AKR1C3: variants seen among roughly 807,000 people sequenced by gnomAD.
AKR1C3 encodes the protein aldo-keto reductase family 1 member C3.
AKR1C3 carries 48 observed loss-of-function variants against 43.6 expected under a neutral mutation model. The observed-to-expected ratio is 1.10, with a 90% CI of 0.87 to 1.40. The LOEUF is 1.40. Ranked by LOEUF, AKR1C3 falls within the 40% of genes most tolerant of loss-of-function variation. AKR1C3 has a pLI of 0.00. For missense variants in AKR1C3, 482 were observed against 391.2 expected (o/e 1.23, Z -1.96); for synonymous variants, 162 against 139.6 (o/e 1.16, Z -1.13).
chr10:5,086,002 T>A (rs1434725248), intron 1 of AKR1C3, among the ~76,000 whole-genome samples: 1 of 151,830 alleles, frequency 6.6e-6, no homozygotes, highest in African/African-American at 2.4e-5. Context: ...GTCTATCAAT[T>A]TTGTTGATCT....
At chr10:5,084,471 T>A (rs1264606472) in intron 1 of AKR1C3, among the ~76,000 whole-genome samples, 6 of 151,846 alleles carry the variant, frequency 4.0e-5, no homozygotes, top group Non-Finnish European at 8.8e-5. Flanking sequence ...ACTGTTTTGG[T>A]TACTGTAGCC....
chr10:5,087,206 C>T (rs896378030), intron 1 of AKR1C3, among the ~76,000 whole-genome samples: 6 of 152,022 alleles, frequency 3.9e-5, no homozygotes, highest in South Asian at 2.1e-4. Flanking sequence ...TGGCTGGTAC[C>T]GTTTGTTCCT....
At chr10:5,081,354 C>T (rs1214235025) in intron 1 of AKR1C3, among the ~76,000 whole-genome samples, 1 of 152,162 alleles carries the variant, frequency 6.6e-6, no homozygotes, top group Non-Finnish European at 1.5e-5. Context: ...TCATTAAACA[C>T]ATTTGTTCTG....
At position 5,086,654 on chromosome 10, in the gene AKR1C3, C is replaced by G. The variant is rs557580266; in HGVS notation, c.85-9756C>G. Among the ~76,000 whole-genome samples, 205 of 152,190 alleles carry G rather than the reference C, an allele frequency of 1.3e-3. 1 individual carries two copies. Among genetic ancestry groups the G allele is most frequent in the African/African-American group, 4.7e-3 (197 of 41,476 alleles). On this transcript the variant is annotated intron_variant, in intron 1 of 8. Coordinates refer to the AKR1C3 transcript ENST00000439082. ...CTTGTTAACTTTCTGTCTCGTTGAT[C>G]TGTCTAATGTTGACAGTGGGGTGTT...
intron 1 of AKR1C3, among the ~76,000 whole-genome samples, chr10:5,079,316 A>C (rs1838780175): frequency 6.6e-6 from 1 of 152,148 alleles, no homozygotes; most frequent in African/African-American, 2.4e-5. Context: ...GTGCCACTCA[A>C]AATGTACTTT....
At chr10:5,098,500 G>A (rs1054368691) in intron 3 of AKR1C3, among the ~76,000 whole-genome samples, 2 of 152,116 alleles carry the variant, frequency 1.3e-5, no homozygotes, top group Non-Finnish European at 2.9e-5. Flanking sequence ...TCAAAGAGAG[G>A]TACTTCAATA....
chr10:5,077,344 C>A (rs2131812084), intron 1 of AKR1C3, among the ~76,000 whole-genome samples: 1 of 152,176 alleles, frequency 6.6e-6, no homozygotes, highest in South Asian at 2.1e-4. Context: ...AATCAAAAAG[C>A]AAGGAAGCTA....
chr10:5,097,949 C>G (rs573012093), intron 3 of AKR1C3: 2 of 1,049,284 alleles, frequency 1.9e-6, no homozygotes, highest in Non-Finnish European at 2.3e-6. Context: ...CCATTTCAAG[C>G]TGAAGCAGAT....
At chr10:5,050,388 T>C (rs1359556878) in intron 1 of AKR1C3, among the ~76,000 whole-genome samples, 2 of 150,696 alleles carry the variant, frequency 1.3e-5, no homozygotes, top group East Asian at 2.0e-4. Flanking sequence ...TTTGTTGGAA[T>C]AATCTATAGC....
At chr10:5,103,477 T>C (rs998887493) in intron 7 of AKR1C3, among the ~76,000 whole-genome samples, 4 of 152,196 alleles carry the variant, frequency 2.6e-5, no homozygotes, top group Admixed American at 6.5e-5. Context: ...CAGGATTCTC[T>C]AGTTAGAAAA....
intron 3 of AKR1C3, chr10:5,098,056 T>C (rs962659607): frequency 7.0e-6 from 7 of 998,012 alleles, no homozygotes; most frequent in Middle Eastern, 5.0e-4. Context: ...CACAATAGAG[T>C]TTGAAGCTGT....
At chr10:5,079,261 T>C (rs1838779313) in intron 1 of AKR1C3, among the ~76,000 whole-genome samples, 1 of 152,162 alleles carries the variant, frequency 6.6e-6, no homozygotes, top group South Asian at 2.1e-4. Flanking sequence ...CATGGTGCAC[T>C]CTTAGCTTTT....
At chr10:5,062,716 G>T (rs17395698) in intron 1 of AKR1C3, among the ~76,000 whole-genome samples, 1 of 151,622 alleles carries the variant, frequency 6.6e-6, no homozygotes, top group Admixed American at 6.6e-5. Flanking sequence ...TTTAAATGTC[G>T]AATTTCTTTA....
At chr10:5,104,241 T>G (rs1839437992) in intron 7 of AKR1C3, among the ~76,000 whole-genome samples, 3 of 152,194 alleles carry the variant, frequency 2.0e-5, no homozygotes, top group South Asian at 2.1e-4. Context: ...TCTTTACTTA[T>G]AAATTAGTTG....
intron 1 of AKR1C3, among the ~76,000 whole-genome samples, chr10:5,072,210 A>T (rs1838625399): frequency 6.6e-6 from 1 of 152,242 alleles, no homozygotes; most frequent in Non-Finnish European, 1.5e-5. Flanking sequence ...AAACCCTGGC[A>T]TAAGTCAAAA....
At position 5,096,702 on chromosome 10, in the gene AKR1C3, T is replaced by G. The variant is rs1306696738; in HGVS notation, c.252+125T>G. ...TTCTGGGTTCAAATTTATTCACACA[T>G]ACTCACATACTAAAACTGAAATCAA... is the stretch of plus-strand genomic sequence containing the variant. On this transcript the variant is annotated intron_variant, in intron 2 of 8. Coordinates refer to ENST00000380554, the MANE Select transcript of AKR1C3 (RefSeq NM_003739.6). 10 of 1,422,370 alleles carry G rather than the reference T, an allele frequency of 7.0e-6. No homozygotes were observed. In the African/African-American group the frequency reaches 1.3e-4, roughly 18 times the overall value. 88.1% of individuals were successfully genotyped at this position (1,422,370 alleles called of 1,614,324 possible). A position where few individuals can be genotyped will look rare whatever the true frequency, so the allele number is the denominator to read the frequency against.
intron 1 of AKR1C3, among the ~76,000 whole-genome samples, chr10:5,053,497 G>T (rs1838197506): frequency 1.3e-5 from 2 of 152,238 alleles, no homozygotes; most frequent in African/African-American, 2.4e-5. Flanking sequence ...ACACCTCCCT[G>T]CAAGCTGAGG....
chr10:5,102,907 C>G (rs72547224), intron 7 of AKR1C3, among the ~76,000 whole-genome samples: 125 of 151,858 alleles, frequency 8.2e-4, no homozygotes, highest in African/African-American at 2.9e-3. Context: ...CATCCCTGCA[C>G]CAGGAACATC....
At chr10:5,080,642 CA>C (rs1250889354) in intron 1 of AKR1C3, 3 of 152,706 alleles carry the variant, frequency 2.0e-5, no homozygotes, top group South Asian at 2.1e-4. Context: ...AACAAACAAA[CA>C]AACAAACAAA....
Sources: allele counts gnomAD v4.1 joint callset (sites outside exome capture counted in the v4.1 genomes callset), GRCh38; gene constraint gnomAD v4.1.1; transcripts MANE v1.5; gene names NCBI Gene and HGNC (gene_info 2026-07-23, HGNC 2026-07-21).